ABLIM1: variants seen among roughly 807,000 people sequenced by gnomAD.
The protein encoded by ABLIM1 is actin-binding LIM protein 1.
Under a neutral mutation model 107.0 loss-of-function variants are expected in ABLIM1, and 40 were observed. The observed-to-expected ratio is 0.37, with a 90% CI of 0.29 to 0.49. The LOEUF is 0.49. ABLIM1 is among the 20% of genes least tolerant of loss of function. The probability of loss-of-function intolerance (pLI) is 0.97; values close to 1 mark genes in which losing one functional copy is unlikely to be tolerated. For synonymous variants in ABLIM1, 357 were observed against 357.3 expected (o/e 1.00, Z 0.01); for missense variants, 857 against 1,008.5 (o/e 0.85, Z 2.04).
chr10:114,776,923 T>C, the ABLIM1 span, among the ~76,000 whole-genome samples: 1 of 152,154 alleles, frequency 6.6e-6, no homozygotes, highest in Non-Finnish European at 1.5e-5. Context: ...CAGCCTAAAA[T>C]GTTTTTTAAT....
At chr10:114,670,746 G>A (rs963437609) in intron 1 of ABLIM1, among the ~76,000 whole-genome samples, 1 of 152,252 alleles carries the variant, frequency 6.6e-6, no homozygotes, top group African/African-American at 2.4e-5. Flanking sequence ...AGAAGTTCAA[G>A]TCAATCTCGA....
the ABLIM1 span, chr10:114,779,822 A>AACATGTCTTGAACAT: frequency 6.6e-6 from 1 of 152,010 alleles, no homozygotes; most frequent in South Asian, 2.1e-4. Context: ...GGCTGCACTG[A>AACATGTCTTGAACAT]GTATCCTTGA....
chr10:114,655,461 G>A (rs2079456863), intron 1 of ABLIM1, among the ~76,000 whole-genome samples: 1 of 152,110 alleles, frequency 6.6e-6, no homozygotes, highest in Admixed American at 6.6e-5. Flanking sequence ...AGCAACAGTG[G>A]CTCATTCCAA....
At chr10:114,479,663 C>A (rs1278439548) in intron 8 of ABLIM1, among the ~76,000 whole-genome samples, 1 of 152,178 alleles carries the variant, frequency 6.6e-6, no homozygotes, top group Non-Finnish European at 1.5e-5. Context: ...GGATTGCCTG[C>A]TTTTTGCCAC....
intron 6 of ABLIM1, among the ~76,000 whole-genome samples, chr10:114,542,979 T>C (rs2137429819): frequency 6.6e-6 from 1 of 152,260 alleles, no homozygotes; most frequent in African/African-American, 2.4e-5. Flanking sequence ...TAAAGCTTTA[T>C]TGGAAAGGCT....
intron 2 of ABLIM1, among the ~76,000 whole-genome samples, chr10:114,596,560 C>A (rs1336850964): frequency 6.6e-6 from 1 of 152,124 alleles, no homozygotes; most frequent in African/African-American, 2.4e-5. Flanking sequence ...AACTCATGAA[C>A]CATCAGATCC....
At chr10:114,441,479 G>T (rs767815018) in intron 18 of ABLIM1, among the ~76,000 whole-genome samples, 1 of 152,106 alleles carries the variant, frequency 6.6e-6, no homozygotes, top group African/African-American at 2.4e-5. Context: ...TTGCAATTTA[G>T]TTTTCCCATA....
At chr10:114,620,453 A>T (rs1266812277) in intron 1 of ABLIM1, among the ~76,000 whole-genome samples, 1 of 152,112 alleles carries the variant, frequency 6.6e-6, no homozygotes, top group Non-Finnish European at 1.5e-5. Context: ...TCTATCGCCC[A>T]GGCTGGAGTG....
intron 1 of ABLIM1, among the ~76,000 whole-genome samples, chr10:114,665,736 T>C (rs1309452689): frequency 6.6e-6 from 1 of 152,204 alleles, no homozygotes; most frequent in Non-Finnish European, 1.5e-5. Context: ...TTCCAAGTAC[T>C]TAAAACCACA....
At chr10:114,512,363 A>C (rs1295094899) in intron 6 of ABLIM1, among the ~76,000 whole-genome samples, 1 of 152,236 alleles carries the variant, frequency 6.6e-6, no homozygotes, top group Non-Finnish European at 1.5e-5. Flanking sequence ...TAGGAACCTT[A>C]TTCATCTTTG....
chr10:114,576,080 C>T (rs1251142877), intron 2 of ABLIM1, among the ~76,000 whole-genome samples: 2 of 152,136 alleles, frequency 1.3e-5, no homozygotes, highest in Admixed American at 6.5e-5. Context: ...CTTTCCACTG[C>T]TACGAAAAAT....
In ABLIM1 at chr10:114,578,409, GT is replaced by G. The variant is rs35844913; in HGVS notation, c.380-2811del. 1.0e-3 allele frequency among the ~76,000 whole-genome samples: 145 copies of G among 141,368 alleles called. No individual in the cohort carries two copies. The East Asian group carries it at 0.011, about 11-fold the overall frequency. The allele number at this position is 141,368 out of a possible 152,430, so 92.7% of individuals were successfully genotyped here. A position where few individuals can be genotyped will look rare whatever the true frequency, so the allele number is the denominator to read the frequency against. On this transcript the variant is annotated intron_variant, in intron 2 of 22. Transcript: ENST00000533213. ...TACATCAACATCAACATTTTCTGTT[GT>G]TTTTTTTTTTTTTGAGATGGAGTTT...
chr10:114,643,847 A>G (rs1336720267), intron 1 of ABLIM1, among the ~76,000 whole-genome samples: 3 of 152,130 alleles, frequency 2.0e-5, no homozygotes, highest in African/African-American at 7.2e-5. Context: ...AAGTGCTGGG[A>G]TTACAGGTGC....
At chr10:114,756,816 C>A (rs867715441) in intron 1 of ABLIM1, among the ~76,000 whole-genome samples, 69 of 152,300 alleles carry the variant, frequency 4.5e-4, no homozygotes, top group Middle Eastern at 3.4e-3. Flanking sequence ...GGCCCCATAT[C>A]CAATCAGGAT....
At chr10:114,789,254 CAA>C in the ABLIM1 span, among the ~76,000 whole-genome samples, 1,027 of 150,642 alleles carry the variant, frequency 6.8e-3, 14 homozygotes, top group African/African-American at 0.024. Flanking sequence ...GACTCCGTCT[CAA>C]AAAAAATAAA....
At chr10:114,620,537 G>C (rs1334688488) in intron 1 of ABLIM1, among the ~76,000 whole-genome samples, 1 of 152,060 alleles carries the variant, frequency 6.6e-6, no homozygotes, top group African/African-American at 2.4e-5. Flanking sequence ...AGCCTCCCGA[G>C]TAGCTGGAAT....
chr10:114,636,506 T>A (rs1235212581), intron 1 of ABLIM1, among the ~76,000 whole-genome samples: 1 of 152,216 alleles, frequency 6.6e-6, no homozygotes, highest in Non-Finnish European at 1.5e-5. Flanking sequence ...TTCTGGTGTT[T>A]AGCAGACAGC....
At chr10:114,554,946 T>C (rs757838953) in intron 4 of ABLIM1, among the ~76,000 whole-genome samples, 6 of 152,100 alleles carry the variant, frequency 3.9e-5, no homozygotes, top group Non-Finnish European at 8.8e-5. Flanking sequence ...AGTTTTTTCA[T>C]CTGTAAAATG....
At chr10:114,634,129 C>CTTTTTTTTTTTTTTTTTTTTTTTTTTT (rs745875295) in intron 1 of ABLIM1, among the ~76,000 whole-genome samples, 1 of 68,298 alleles carries the variant, frequency 1.5e-5, no homozygotes, top group Non-Finnish European at 2.5e-5. Context: ...CTCAATTTTT[C>CTTTTTTTTTTTTTTTTTTTTTTTTTTT]TTTTTTTTTT....
Sources: gnomAD v4.1 joint callset for allele counts (sites outside exome capture counted in the v4.1 genomes callset) on GRCh38, gnomAD v4.1.1 for gene constraint, MANE v1.5 for transcripts, NCBI Gene and HGNC (gene_info 2026-07-23, HGNC 2026-07-21) for gene names.